The following NT5C2 variants were observed in gnomAD, a reference collection of about 807,000 sequenced individuals.
NT5C2 encodes 5'-nucleotidase, cytosolic II, also known as cytosolic purine 5'-nucleotidase.
A neutral mutation model predicts 76.1 loss-of-function variants in NT5C2; 58 were observed. That is an observed-to-expected ratio of 0.76 (90% confidence interval 0.62 to 0.95). The LOEUF (loss-of-function observed/expected upper bound fraction) is 0.95. Ranked by LOEUF, NT5C2 falls within the 40% of genes least tolerant of loss-of-function variation. The pLI, the probability that NT5C2 is intolerant of heterozygous loss-of-function variation, is 0.00. For missense variants in NT5C2, 478 were observed against 690.3 expected (o/e 0.69, Z 3.45); for synonymous variants, 229 against 237.4 (o/e 0.96, Z 0.32).
chr10:103,104,245 G>T (rs1020200551), intron 6 of NT5C2, among the ~76,000 whole-genome samples: 17 of 152,344 alleles, frequency 1.1e-4, no homozygotes, highest in African/African-American at 4.1e-4. Context: ...ACTATTAAAT[G>T]CATTAGCAAA....
At position 103,088,267 on chromosome 10, in the gene NT5C2, C is replaced by CTGT. The variant is rs1437671352; in HGVS notation, c.*1402_*1404dup. 2 of 152,238 alleles carry CTGT rather than the reference C, an allele frequency of 1.3e-5. No individual in the cohort carries two copies. Among genetic ancestry groups the CTGT allele is most frequent in the African/African-American group, 4.8e-5 (2 of 41,470 alleles). The allele number at this position is 152,238 out of a possible 1,614,324, so 9.4% of individuals were successfully genotyped here. A position where few individuals can be genotyped will look rare whatever the true frequency, so the allele number is the denominator to read the frequency against. On this transcript the variant is annotated 3_prime_UTR_variant, in exon 19 of 19. Coordinates refer to ENST00000404739, the MANE Select transcript of NT5C2 (RefSeq NM_001351169.2). Reference sequence around the variant, plus strand: ...TGGTTAAAGAAAGAGTCTATAACCACTGTTTGTTTAAAATGTTGAAACAAC... The same window carrying CTGT: ...TGGTTAAAGAAAGAGTCTATAACCACTGTTGTTTGTTTAAAATGTTGAAACAAC...
chr10:103,164,397 A>G (rs1367351365), intron 3 of NT5C2, among the ~76,000 whole-genome samples: 1 of 152,132 alleles, frequency 6.6e-6, no homozygotes, highest in Non-Finnish European at 1.5e-5. Context: ...AGCTGGGATT[A>G]CAGGCATGCG....
At chr10:103,120,603 G>C (rs948170445) in intron 4 of NT5C2, among the ~76,000 whole-genome samples, 2 of 152,188 alleles carry the variant, frequency 1.3e-5, no homozygotes, top group African/African-American at 4.8e-5. Flanking sequence ...CCAGTAGAAT[G>C]AGTATTATCA....
intron 4 of NT5C2, among the ~76,000 whole-genome samples, chr10:103,122,513 A>G (rs367935901): frequency 1.3e-5 from 2 of 152,242 alleles, no homozygotes; most frequent in East Asian, 3.8e-4. Flanking sequence ...ACCTGAGTTT[A>G]AATTCCAGCT....
At chr10:103,171,752 TTAAG>T (rs1467193801) in intron 3 of NT5C2, among the ~76,000 whole-genome samples, 1 of 152,046 alleles carries the variant, frequency 6.6e-6, no homozygotes, top group African/African-American at 2.4e-5. Flanking sequence ...ATAAAAAGAG[TTAAG>T]TAAAAAGAAA....
At chr10:103,101,852 C>T (rs975625602) in intron 6 of NT5C2, among the ~76,000 whole-genome samples, 53 of 152,096 alleles carry the variant, frequency 3.5e-4, no homozygotes, top group African/African-American at 1.3e-3. Flanking sequence ...GATTCATGCA[C>T]GTGCTGGTAT....
At chr10:103,129,287 CG>C (rs1272642651) in intron 4 of NT5C2, among the ~76,000 whole-genome samples, 1 of 111,762 alleles carries the variant, frequency 8.9e-6, no homozygotes, top group Non-Finnish European at 2.0e-5. Flanking sequence ...CCGCCCCGTC[CG>C]GGAGGGAGGT....
At chr10:103,174,742 C>T in intron 3 of NT5C2, 116 bp downstream of exon 3, 1 of 742,750 alleles carries the variant, frequency 1.3e-6, no homozygotes, top group Admixed American at 1.9e-5. Flanking sequence ...GTACCATGTA[C>T]TAGACATACG....
chr10:103,144,776 G>A (rs976485407), intron 3 of NT5C2, among the ~76,000 whole-genome samples: 9 of 152,122 alleles, frequency 5.9e-5, no homozygotes, highest in Non-Finnish European at 1.3e-4. Context: ...CTGTTCTTTA[G>A]GGAGCAGAAA....
rs556160439 is a variant in NT5C2, at chr10:103,100,369, C to T, written c.540-350G>A. ...ATTGGTCATTTAGGTTCTTTCCACC[C>T]TGACTTTCCTGACACTGTCCCTAAG... On this transcript the variant is annotated intron_variant, in intron 8 of 18. Coordinates refer to ENST00000404739, the MANE Select transcript of NT5C2 (RefSeq NM_001351169.2). Among the ~76,000 whole-genome samples, 4 of 152,262 alleles carry T rather than the reference C, an allele frequency of 2.6e-5. No individual in the cohort carries two copies. In the East Asian group the frequency reaches 7.7e-4, roughly 29 times the overall value.
At chr10:103,165,933 G>C (rs1375321348) in intron 3 of NT5C2, among the ~76,000 whole-genome samples, 2 of 151,662 alleles carry the variant, frequency 1.3e-5, no homozygotes, top group East Asian at 3.9e-4. Flanking sequence ...GCCTCCCAAA[G>C]TGCTGGGATT....
At chr10:103,112,290 A>G (rs1183613028) in intron 4 of NT5C2, among the ~76,000 whole-genome samples, 16 of 152,124 alleles carry the variant, frequency 1.1e-4, no homozygotes, top group Admixed American at 1.0e-3. Context: ...AGCTGAGTCT[A>G]CCTATACCTA....
At chr10:103,104,061 A>G (rs1242564965) in intron 6 of NT5C2, among the ~76,000 whole-genome samples, 1 of 152,192 alleles carries the variant, frequency 6.6e-6, no homozygotes, top group East Asian at 1.9e-4. Flanking sequence ...TTTATTGTCC[A>G]GGCTGGTCTC....
chr10:103,188,966 C>A (rs1389054031), intron 1 of NT5C2, among the ~76,000 whole-genome samples: 1 of 150,882 alleles, frequency 6.6e-6, no homozygotes, highest in Admixed American at 6.6e-5. Flanking sequence ...GAGCTGAGAT[C>A]GAGCCAGCCT....
Position 103,172,656 on chromosome 10 carries a change from C to T in NT5C2, c.101+2202G>A, listed in dbSNP as rs1453410455. Among the ~76,000 whole-genome samples, 3 of 151,896 alleles carry T rather than the reference C, an allele frequency of 2.0e-5. No homozygotes were observed. In the South Asian group the frequency reaches 6.2e-4, roughly 32 times the overall value. Reference sequence around the variant, plus strand: ...TTCAAGACCAGCCTGGCCAACATGGCGAAACTCCATCTCTACTAAAATTAC... The same window carrying T: ...TTCAAGACCAGCCTGGCCAACATGGTGAAACTCCATCTCTACTAAAATTAC... On this transcript the variant is annotated intron_variant, in intron 3 of 18. Coordinates refer to ENST00000404739, the MANE Select transcript of NT5C2 (RefSeq NM_001351169.2).
intron 6 of NT5C2, 126 bp from the exon 7 acceptor site, chr10:103,101,452 C>G: frequency 1.8e-6 from 1 of 557,046 alleles, no homozygotes; most frequent in Non-Finnish European, 3.1e-6. Flanking sequence ...CCGAATATTA[C>G]GCATGGATAG....
intron 2 of NT5C2, among the ~76,000 whole-genome samples, chr10:103,180,817 A>G (rs2090920998): frequency 6.6e-6 from 1 of 152,262 alleles, no homozygotes; most frequent in African/African-American, 2.4e-5. Flanking sequence ...AAATGGATAA[A>G]AAAAATTATG....
chr10:103,187,518 C>T (rs2092177442), intron 1 of NT5C2, among the ~76,000 whole-genome samples: 1 of 143,780 alleles, frequency 7.0e-6, no homozygotes, highest in African/African-American at 2.6e-5. Flanking sequence ...CACCAATGCA[C>T]TTCAGCCTGG....
At chr10:103,118,501 C>A (rs1476970167) in intron 4 of NT5C2, among the ~76,000 whole-genome samples, 1 of 151,940 alleles carries the variant, frequency 6.6e-6, no homozygotes, top group Non-Finnish European at 1.5e-5. Context: ...GGATTACAGA[C>A]GTGCACCACG....
Sources: allele counts gnomAD v4.1 joint callset (sites outside exome capture counted in the v4.1 genomes callset), GRCh38; gene constraint gnomAD v4.1.1; transcripts MANE v1.5; gene names NCBI Gene and HGNC (gene_info 2026-07-23, HGNC 2026-07-21).